Variants in SORCS2 observed in about 807,000 individuals in gnomAD.
SORCS2 encodes sortilin related VPS10 domain containing receptor 2.
In SORCS2, 100 loss-of-function variants were observed where a neutral mutation model predicts 141.6. The ratio of observed to expected loss-of-function variants is 0.71; its 90% confidence interval spans 0.60 to 0.83. The LOEUF is 0.83. Ranked by LOEUF, SORCS2 falls within the 40% of genes least tolerant of loss-of-function variation. SORCS2 has a pLI of 0.00. For synonymous variants in SORCS2, 789 were observed against 676.9 expected (o/e 1.17, Z -2.57); for missense variants, 1,646 against 1,560.2 (o/e 1.05, Z -0.93).
intron 21 of SORCS2, 106 bp from the exon 22 acceptor site, chr4:7,728,244 C>G (rs942841409): frequency 2.2e-5 from 16 of 717,008 alleles, no homozygotes; most frequent in Non-Finnish European, 2.8e-5. Flanking sequence ...AATCAAAGGC[C>G]TCCCGGGACC....
intron 2 of SORCS2, among the ~76,000 whole-genome samples, chr4:7,477,030 G>A (rs1013429737): frequency 6.6e-6 from 1 of 152,174 alleles, no homozygotes; most frequent in African/African-American, 2.4e-5. Context: ...CTGCAGACAC[G>A]GCCAGGTTCT....
chr4:7,275,862 C>A (rs967338515), intron 1 of SORCS2, among the ~76,000 whole-genome samples: 11 of 152,160 alleles, frequency 7.2e-5, no homozygotes, highest in African/African-American at 2.7e-4. Flanking sequence ...TTCAACCATT[C>A]ATTCATCAAA....
intron 1 of SORCS2, among the ~76,000 whole-genome samples, chr4:7,277,578 A>G (rs149906729): frequency 0.014 from 2,086 of 152,162 alleles, 47 homozygotes; most frequent in African/African-American, 0.048. Context: ...GAAACTGTTG[A>G]TTTACTTGAA....
chr4:7,401,025 AGGTG>A (rs143097263), intron 2 of SORCS2, among the ~76,000 whole-genome samples: 22,245 of 150,160 alleles, frequency 0.15, 1,765 homozygotes, highest in Non-Finnish European at 0.18. Flanking sequence ...ATTGATGGAC[AGGTG>A]GATGGATGGA....
intron 9 of SORCS2, among the ~76,000 whole-genome samples, chr4:7,682,242 C>T (rs533242708): frequency 6.6e-6 from 1 of 152,292 alleles, no homozygotes; most frequent in Admixed American, 6.5e-5. Context: ...AGCATGGACC[C>T]TCCTGTCTTC....
chr4:7,298,079 G>A (rs116301233), intron 1 of SORCS2, among the ~76,000 whole-genome samples: 6 of 152,372 alleles, frequency 3.9e-5, no homozygotes, highest in African/African-American at 1.4e-4. Flanking sequence ...TGCACAGCCA[G>A]TGTGTGCACT....
intron 10 of SORCS2, among the ~76,000 whole-genome samples, chr4:7,686,338 G>A (rs564548930): frequency 5.6e-4 from 85 of 152,274 alleles, no homozygotes; most frequent in Admixed American, 9.2e-4. Flanking sequence ...AGTGCCAGGC[G>A]TCCAGGTGGC....
intron 1 of SORCS2, among the ~76,000 whole-genome samples, chr4:7,353,671 A>C (rs949042703): frequency 1.3e-5 from 2 of 152,020 alleles, no homozygotes; most frequent in African/African-American, 4.8e-5. Context: ...ATGGCCCCCG[A>C]TGGCTTTGGG....
chr4:7,242,869 C>T (rs1215828565), intron 1 of SORCS2, among the ~76,000 whole-genome samples: 1 of 152,230 alleles, frequency 6.6e-6, no homozygotes, highest in African/African-American at 2.4e-5. Context: ...TCACACCTTA[C>T]CATTCCCAAG....
intron 2 of SORCS2, among the ~76,000 whole-genome samples, chr4:7,478,887 C>T (rs1409963339): frequency 2.0e-5 from 3 of 152,212 alleles, no homozygotes; most frequent in African/African-American, 7.2e-5. Context: ...TCTGTGTTGG[C>T]AGGGGGCCTC....
chr4:7,380,948 G>A (rs1029712765), intron 1 of SORCS2, among the ~76,000 whole-genome samples: 1 of 152,110 alleles, frequency 6.6e-6, no homozygotes, highest in African/African-American at 2.4e-5. Flanking sequence ...TGGGTGTGGT[G>A]GCAGGTGCCT....
chr4:7,627,493 C>T (rs756612262), intron 3 of SORCS2, among the ~76,000 whole-genome samples: 11 of 152,192 alleles, frequency 7.2e-5, no homozygotes, highest in Non-Finnish European at 1.3e-4. Flanking sequence ...GGCCCTCGTC[C>T]GCCTAGTTGA....
At chr4:7,380,884 C>T (rs1160956988) in intron 1 of SORCS2, among the ~76,000 whole-genome samples, 2 of 152,296 alleles carry the variant, frequency 1.3e-5, no homozygotes, top group South Asian at 4.1e-4. Context: ...GAGATCAAGG[C>T]CAGCCTGGCC....
chr4:7,359,843 G>A (rs1721475248), intron 1 of SORCS2, among the ~76,000 whole-genome samples: 2 of 152,180 alleles, frequency 1.3e-5, no homozygotes, highest in South Asian at 4.1e-4. Context: ...TCTCAAGAGG[G>A]TGATCTCAAG....
intron 2 of SORCS2, among the ~76,000 whole-genome samples, chr4:7,401,091 A>G (rs537176646): frequency 2.0e-5 from 3 of 152,066 alleles, no homozygotes; most frequent in Admixed American, 6.5e-5. Flanking sequence ...GGATACATGG[A>G]TAGATGAATG....
chr4:7,514,353 A>G (rs1226946800), intron 2 of SORCS2, among the ~76,000 whole-genome samples: 1 of 152,240 alleles, frequency 6.6e-6, no homozygotes, highest in East Asian at 1.9e-4. Flanking sequence ...GGGCGGGAAG[A>G]GGCTGCTGCT....
rs143440902 is a variant in SORCS2 at position 7,719,003 on chromosome 4, G to A, written c.2424+820G>A. ...CTTACAAGCATTGCAGAAAATTCGA[G>A]ATGACAGAAAAGGGCAAAAGAGGGT... On this transcript the variant is annotated intron_variant, in intron 18 of 26. Transcript: ENST00000507866. Among the ~76,000 whole-genome samples the A allele has an allele frequency of 6.6e-3, 1,001 of 152,342 alleles. 5 individuals are homozygous for A. The highest frequency in any genetic ancestry group is 0.023 in the African/African-American group (937 of 41,564).
rs4689639 is a variant in SORCS2, at chr4:7,211,742, T to G, written c.480+18616T>G. Among the ~76,000 whole-genome samples the G allele has an allele frequency of 2.6e-5, 4 of 151,972 alleles. No homozygotes were observed. In the East Asian group the frequency reaches 5.8e-4, roughly 22 times the overall value. On this transcript the variant is annotated intron_variant, in intron 1 of 26. Coordinates refer to ENST00000507866, the MANE Select transcript of SORCS2 (RefSeq NM_020777.3). Reference sequence around the variant, plus strand: ...AGGACATACAGACCATTAGGGAAGATGCAGGTGTGACAAGGTGGGGGCCCC... The same window carrying G: ...AGGACATACAGACCATTAGGGAAGAGGCAGGTGTGACAAGGTGGGGGCCCC...
intron 1 of SORCS2, among the ~76,000 whole-genome samples, chr4:7,277,910 C>T (rs1004558144): frequency 3.3e-5 from 5 of 152,254 alleles, no homozygotes; most frequent in South Asian, 2.1e-4. Flanking sequence ...GGGACAGCTC[C>T]GGGGGAGGCT....
Sources: gnomAD v4.1 joint callset for allele counts (sites outside exome capture counted in the v4.1 genomes callset) on GRCh38, gnomAD v4.1.1 for gene constraint, MANE v1.5 for transcripts, NCBI Gene and HGNC (gene_info 2026-07-23, HGNC 2026-07-21) for gene names.